Variants in SRGAP2B observed in about 807,000 individuals in gnomAD.
SRGAP2B encodes SLIT-ROBO Rho GTPase-activating protein 2B.
SRGAP2B carries 9 observed loss-of-function variants against 22.2 expected under a neutral mutation model. The observed-to-expected ratio is 0.41, with a 90% CI of 0.24 to 0.71. The LOEUF (loss-of-function observed/expected upper bound fraction) is 0.71. Among genes scored for constraint, SRGAP2B ranks in the 30% least tolerant of loss-of-function variants. The pLI, the probability that SRGAP2B is intolerant of heterozygous loss-of-function variation, is 0.35. For synonymous variants in SRGAP2B, 36 were observed against 87.4 expected (o/e 0.41, Z 3.28); for missense variants, 114 against 235.8 (o/e 0.48, Z 3.38).
At position 144,928,402 on chromosome 1, in the gene SRGAP2B, TG is replaced by T. The variant is rs59424839; in HGVS notation, c.424-13649del. Among the ~76,000 whole-genome samples, 9 of 138,360 alleles carry T rather than the reference TG, an allele frequency of 6.5e-5. 1 individual carries two copies. The highest frequency in any genetic ancestry group is 2.5e-4 in the African/African-American group (9 of 36,354). The allele number at this position is 138,360 out of a possible 152,430, so 90.8% of individuals were successfully genotyped here. On this transcript the variant is annotated intron_variant, in intron 4 of 9. Transcript: ENST00000612199. ...TAACATTTGGGTTGCTTCCACTTTT[TG>T]GTTATTTATTTATTTATTTATTTAT...
At chr1:145,064,331 A>G (rs1218745568) in intron 2 of SRGAP2B, among the ~76,000 whole-genome samples, 1 of 148,858 alleles carries the variant, frequency 6.7e-6, no homozygotes, top group Admixed American at 6.6e-5. Flanking sequence ...CAGGGGAAAG[A>G]AGATGGCAGT....
At chr1:145,016,569 A>C (rs1304715208) in intron 2 of SRGAP2B, among the ~76,000 whole-genome samples, 1 of 64,366 alleles carries the variant, frequency 1.6e-5, no homozygotes, top group African/African-American at 6.8e-5. Context: ...GAAACACTGA[A>C]CTAAATAAAA....
intron 3 of SRGAP2B, among the ~76,000 whole-genome samples, chr1:144,960,491 C>T (rs1667588076): frequency 6.7e-6 from 1 of 150,148 alleles, no homozygotes; most frequent in African/African-American, 2.5e-5. Flanking sequence ...AGCTTTTCTC[C>T]CTCAACTTGG....
chr1:144,950,639 G>GA (rs1553609227), intron 4 of SRGAP2B, among the ~76,000 whole-genome samples: 1 of 136,802 alleles, frequency 7.3e-6, no homozygotes, highest in Non-Finnish European at 1.5e-5. Flanking sequence ...CATACCCTTT[G>GA]AAGGTTTATG....
intron 2 of SRGAP2B, among the ~76,000 whole-genome samples, chr1:145,035,938 C>CA (rs587600117): frequency 3.6e-3 from 330 of 92,120 alleles, no homozygotes; most frequent in African/African-American, 0.011. Flanking sequence ...TTTCAGAAGA[C>CA]AAAAAAAAAA....
intron 2 of SRGAP2B, among the ~76,000 whole-genome samples, chr1:145,002,362 G>A (rs587678760): frequency 1.8e-5 from 1 of 56,956 alleles, no homozygotes; most frequent in African/African-American, 1.0e-4. Context: ...ACGATGAGAA[G>A]CCAGCCCTAT....
chr1:144,911,651 T>C (rs1663421374), intron 5 of SRGAP2B, among the ~76,000 whole-genome samples: 1 of 148,372 alleles, frequency 6.7e-6, no homozygotes, highest in African/African-American at 2.6e-5. Context: ...CGAGTCTTGC[T>C]CTGTCCCCCA....
At chr1:144,992,072 C>T (rs1553617321) in intron 3 of SRGAP2B, among the ~76,000 whole-genome samples, 1 of 150,170 alleles carries the variant, frequency 6.7e-6, no homozygotes, top group Non-Finnish European at 1.5e-5. Flanking sequence ...CTGAGCCCAG[C>T]GAGACCACAA....
chr1:144,924,792 ATATGTCATTTAGGTCAAGTTTGTTG>A (rs1177790944), intron 4 of SRGAP2B, among the ~76,000 whole-genome samples: 2 of 146,648 alleles, frequency 1.4e-5, no homozygotes, highest in Admixed American at 1.3e-4. Context: ...CAGTATCCAT[ATATGTCATTTAGGTCAAGTTTGTTG>A]TATTTTTACT....
chr1:144,922,744 C>T (rs1182962028), intron 4 of SRGAP2B, among the ~76,000 whole-genome samples: 4 of 150,486 alleles, frequency 2.7e-5, no homozygotes, highest in Admixed American at 6.6e-5. Flanking sequence ...AAGGAAGGGG[C>T]TCCCCACTAC....
intron 2 of SRGAP2B, among the ~76,000 whole-genome samples, chr1:145,031,736 A>G (rs1648357762): frequency 2.1e-5 from 3 of 144,716 alleles, no homozygotes. Flanking sequence ...AGTCCCAGCT[A>G]CTTGGGAGGC....
At chr1:145,031,068 G>T (rs1432512802) in intron 2 of SRGAP2B, among the ~76,000 whole-genome samples, 1 of 49,548 alleles carries the variant, frequency 2.0e-5, no homozygotes, top group Non-Finnish European at 3.5e-5. Flanking sequence ...CCAGTTCTCT[G>T]CCAAAATAAT....
intron 4 of SRGAP2B, among the ~76,000 whole-genome samples, chr1:144,923,334 T>C (rs1664391095): frequency 6.6e-6 from 1 of 150,680 alleles, no homozygotes; most frequent in Non-Finnish European, 1.5e-5. Context: ...ATGATTTGGC[T>C]GGGGGCGTAA....
At chr1:144,983,865 G>A (rs1430822742) in intron 3 of SRGAP2B, among the ~76,000 whole-genome samples, 1 of 150,156 alleles carries the variant, frequency 6.7e-6, no homozygotes, top group Non-Finnish European at 1.5e-5. Context: ...TCTACCAACA[G>A]CCAAAAAATC....
At chr1:144,999,244 CA>C (rs1553619165) in intron 2 of SRGAP2B, among the ~76,000 whole-genome samples, 1 of 149,830 alleles carries the variant, frequency 6.7e-6, no homozygotes, top group African/African-American at 2.5e-5. Context: ...CCTAGAAATA[CA>C]TGGAAAGAAG....
Position 144,940,646 on chromosome 1 carries a change from C to CA in SRGAP2B, c.423+14792dup, listed in dbSNP as rs56295577. On this transcript the variant is annotated intron_variant, in intron 4 of 9. Coordinates refer to ENST00000612199, the Ensembl canonical transcript of SRGAP2B. ...AAACCCCACCTCTACTAAAAAAACA[C>CA]AAAAAACTTAGCTGGATGTGGTAGC... 3.3e-3 allele frequency among the ~76,000 whole-genome samples: 481 copies of CA among 145,484 alleles called. 7 individuals carry two copies. Among genetic ancestry groups the CA allele is most frequent in the Middle Eastern group, 0.014 (4 of 282 alleles).
At position 145,065,309 on chromosome 1, in the gene SRGAP2B, C is replaced by A. The variant is rs1442373325; in HGVS notation, c.67+27526G>T. Among the ~76,000 whole-genome samples the A allele has an allele frequency of 9.3e-5, 14 of 150,674 alleles. 1 individual carries two copies. The highest frequency in any genetic ancestry group is 1.2e-4 in the Non-Finnish European group (8 of 67,906). On this transcript the variant is annotated intron_variant, in intron 2 of 9. Coordinates refer to ENST00000612199, the Ensembl canonical transcript of SRGAP2B. ...AAAGCCTTGGAGAACTGCAACTAGG[C>A]AGCAGAGAGCTAGCTGGTTTCTAAG...
chr1:145,080,182 C>A (rs1652798776), intron 2 of SRGAP2B, among the ~76,000 whole-genome samples: 1 of 149,530 alleles, frequency 6.7e-6, no homozygotes, highest in Admixed American at 6.6e-5. Context: ...CTCTAGAAGT[C>A]TCTGAGCTTA....
intron 4 of SRGAP2B, among the ~76,000 whole-genome samples, chr1:144,955,207 G>C (rs1327025976): frequency 6.7e-6 from 1 of 150,104 alleles, no homozygotes; most frequent in Non-Finnish European, 1.5e-5. Context: ...CTAGTGGAAA[G>C]CCTATGAAGT....
Sources: gnomAD v4.1 joint callset for allele counts (sites outside exome capture counted in the v4.1 genomes callset) on GRCh38, gnomAD v4.1.1 for gene constraint, MANE v1.5 for transcripts, NCBI Gene and HGNC (gene_info 2026-07-23, HGNC 2026-07-21) for gene names.